PREX2: variants seen among roughly 807,000 people sequenced by gnomAD.
The protein encoded by PREX2 is phosphatidylinositol 3,4,5-trisphosphate-dependent Rac exchanger 2 protein.
Under a neutral mutation model 203.2 loss-of-function variants are expected in PREX2, and 107 were observed. The ratio of observed to expected loss-of-function variants is 0.53; its 90% CI spans 0.45 to 0.62. The LOEUF (loss-of-function observed/expected upper bound fraction) is 0.62. Among genes scored for constraint, PREX2 ranks in the 20% least tolerant of loss-of-function variants. The pLI, the probability that PREX2 is intolerant of heterozygous loss-of-function variation, is 0.00. For synonymous variants in PREX2, 672 were observed against 663.6 expected, an observed-to-expected ratio of 1.01 and a Z score of -0.19; for missense variants, 1,777 against 1,955.9, an observed-to-expected ratio of 0.91 and a Z score of 1.72.
At chr8:68,172,366 A>G (rs1000430075) in intron 35 of PREX2, among the ~76,000 whole-genome samples, 1 of 152,242 alleles carries the variant, frequency 6.6e-6, no homozygotes, top group African/African-American at 2.4e-5. Flanking sequence ...CATGTATTCA[A>G]CAAATACTGT....
At chr8:67,972,168 C>T (rs1168527624) in intron 1 of PREX2, among the ~76,000 whole-genome samples, 2 of 152,184 alleles carry the variant, frequency 1.3e-5, no homozygotes, top group African/African-American at 4.8e-5. Context: ...GTGAGGGGCT[C>T]AGGTGTCTTT....
intron 39 of PREX2, among the ~76,000 whole-genome samples, chr8:68,226,874 G>A (rs1421336092): frequency 2.6e-5 from 4 of 152,214 alleles, no homozygotes; most frequent in Non-Finnish European, 4.4e-5. Context: ...ATACTCCTGG[G>A]CCTGTCAGCA....
intron 18 of PREX2, among the ~76,000 whole-genome samples, chr8:68,085,190 G>T (rs2129612049): frequency 6.6e-6 from 1 of 152,278 alleles, no homozygotes; most frequent in Admixed American, 6.5e-5. Context: ...AACTAGGTTT[G>T]TAAAGAACTT....
intron 8 of PREX2, among the ~76,000 whole-genome samples, chr8:68,052,637 T>C (rs1199488617): frequency 6.6e-6 from 1 of 152,222 alleles, no homozygotes; most frequent in Non-Finnish European, 1.5e-5. Context: ...CAATCCTTAG[T>C]GTGCAGTTCA....
At chr8:68,034,132 C>T (rs11779135) in intron 6 of PREX2, among the ~76,000 whole-genome samples, 32,883 of 151,900 alleles carry the variant, frequency 0.22, 3,578 homozygotes, top group South Asian at 0.34. Context: ...TGGTAACTGC[C>T]ACCACAGAAA....
intron 6 of PREX2, among the ~76,000 whole-genome samples, chr8:68,032,299 T>C (rs1326429929): frequency 2.6e-5 from 4 of 152,258 alleles, no homozygotes; most frequent in Non-Finnish European, 1.5e-5. Flanking sequence ...CTTGGGTAAG[T>C]TAAATAGCTG....
chr8:68,231,367 G>A lies in PREX2; in HGVS notation c.4810G>A (p.Gly1604Arg). 6.3e-7 allele frequency: 1 copy of A among 1,599,206 alleles called. No individual in the cohort carries two copies. Among genetic ancestry groups the A allele is most frequent in the Non-Finnish European group, 8.5e-7 (1 of 1,173,698 alleles). The change falls in exon 40 of 40, where the codon GGA (glycine) becomes AGA (arginine). Residue 1604 changes from glycine to arginine, a missense_variant. Coordinates refer to ENST00000288368, the MANE Select transcript of PREX2 (RefSeq NM_024870.4). ...YKLCEPPPPA[G>R]EE ...GCTGTGCGAGCCACCTCCCCCAGCTGGAGAAGAATGAAAAGAACTCCCAAG... is the reference window on the plus strand; with the variant it reads ...GCTGTGCGAGCCACCTCCCCCAGCTAGAGAAGAATGAAAAGAACTCCCAAG...
chr8:68,093,508 A>G, intron 20 of PREX2, 97 bp from the exon 21 acceptor site: 1 of 525,656 alleles, frequency 1.9e-6, no homozygotes, highest in Non-Finnish European at 3.5e-6. Flanking sequence ...ACTAATTTTA[A>G]AGAATCTAGA....
chr8:68,074,293 G>T (rs1376972213), intron 14 of PREX2, among the ~76,000 whole-genome samples: 1 of 151,952 alleles, frequency 6.6e-6, no homozygotes, highest in Non-Finnish European at 1.5e-5. Context: ...GTTTTTCTTC[G>T]TGGTTTATTA....
chr8:68,189,104 T>G (rs61314319), intron 35 of PREX2, among the ~76,000 whole-genome samples: 1 of 151,952 alleles, frequency 6.6e-6, no homozygotes, highest in Non-Finnish European at 1.5e-5. Context: ...ATTTAAAAGG[T>G]GAAGCAAAAG....
intron 25 of PREX2, among the ~76,000 whole-genome samples, chr8:68,115,166 T>A (rs1336296216): frequency 6.6e-6 from 1 of 151,942 alleles, no homozygotes; most frequent in East Asian, 1.9e-4. Context: ...TAGTTGGGAT[T>A]ACAAGCATGC....
intron 37 of PREX2, 82 bp downstream of exon 37, chr8:68,192,607 A>G (rs1812320636): frequency 5.5e-6 from 6 of 1,094,858 alleles, no homozygotes; most frequent in African/African-American, 1.6e-5. Context: ...TGGCTTCACA[A>G]AATTAAAACT....
intron 34 of PREX2, among the ~76,000 whole-genome samples, chr8:68,148,120 G>A (rs540664983): frequency 3.9e-5 from 6 of 152,132 alleles, no homozygotes; most frequent in South Asian, 2.1e-4. Flanking sequence ...GTTGGTATGC[G>A]CCTGTAATCC....
intron 24 of PREX2, 95 bp from the exon 25 acceptor site, chr8:68,109,317 TTATC>T: frequency 1.2e-6 from 1 of 843,302 alleles, no homozygotes. Flanking sequence ...ACATATAATT[TTATC>T]TGTCAATTAA....
At chr8:68,224,998 C>T (rs1813031097) in intron 39 of PREX2, among the ~76,000 whole-genome samples, 1 of 152,066 alleles carries the variant, frequency 6.6e-6, no homozygotes, top group African/African-American at 2.4e-5. Flanking sequence ...TGGGAAACTC[C>T]TATTTCACTG....
At chr8:68,086,538 C>A (rs7004495) in intron 18 of PREX2, among the ~76,000 whole-genome samples, 70,309 of 151,912 alleles carry the variant, frequency 0.46, 16,719 homozygotes, top group African/African-American at 0.56. Context: ...CAATTTATTG[C>A]GTTGTATTCA....
intron 4 of PREX2, 38 bp from the exon 5 acceptor site, chr8:68,027,184 A>T: frequency 7.0e-7 from 1 of 1,434,676 alleles, no homozygotes; most frequent in Non-Finnish European, 9.8e-7. Flanking sequence ...GCGTGAGATT[A>T]TTAAAGATGT....
At chr8:68,078,841 A>G (rs10957417) in intron 15 of PREX2, among the ~76,000 whole-genome samples, 81,144 of 152,046 alleles carry the variant, frequency 0.53, 21,669 homozygotes, top group South Asian at 0.56. Flanking sequence ...ATTATAAAAT[A>G]TTGAGTTACA....
intron 37 of PREX2, among the ~76,000 whole-genome samples, chr8:68,209,070 T>TAAAAAAAAAAAAAAAAA (rs994362514): frequency 8.7e-6 from 1 of 115,096 alleles, no homozygotes; most frequent in African/African-American, 3.3e-5. Flanking sequence ...TGGACTCATT[T>TAAAAAAAAAAAAAAAAA]AAAAAAAAAA....
Sources: allele counts gnomAD v4.1 joint callset (sites outside exome capture counted in the v4.1 genomes callset), GRCh38; gene constraint gnomAD v4.1.1; transcripts MANE v1.5; gene names NCBI Gene and HGNC (gene_info 2026-07-23, HGNC 2026-07-21).